Variants in PIBF1 observed in about 807,000 individuals in gnomAD.
PIBF1 encodes progesterone-induced-blocking factor 1.
In PIBF1, 90 loss-of-function variants were observed where a neutral mutation model predicts 112.5. That is an observed-to-expected ratio of 0.80 (90% CI 0.67 to 0.95). The LOEUF (loss-of-function observed/expected upper bound fraction) is 0.95. Ranked by LOEUF, PIBF1 falls within the 40% of genes least tolerant of loss-of-function variation. The pLI is 0.00. For synonymous variants in PIBF1, 301 were observed against 288.6 expected, an observed-to-expected ratio of 1.04 and a Z score of -0.44; for missense variants, 915 against 852.3, an observed-to-expected ratio of 1.07 and a Z score of -0.92.
At chr13:72,799,500 C>A (rs1202640089) in intron 5 of PIBF1, among the ~76,000 whole-genome samples, 3 of 152,102 alleles carry the variant, frequency 2.0e-5, no homozygotes, top group Admixed American at 6.5e-5. Flanking sequence ...CAGTTGTTTT[C>A]TTTTCTTCTC....
intron 5 of PIBF1, among the ~76,000 whole-genome samples, chr13:72,814,047 T>C (rs1297178454): frequency 1.3e-5 from 2 of 152,222 alleles, no homozygotes; most frequent in Non-Finnish European, 2.9e-5. Flanking sequence ...GGAATCGATG[T>C]ACAGTGTTCT....
chr13:72,931,938 C>CTTT (rs59274277), intron 14 of PIBF1, among the ~76,000 whole-genome samples: 220 of 100,668 alleles, frequency 2.2e-3, no homozygotes, highest in Middle Eastern at 5.6e-3. Context: ...TTGTTTCTTT[C>CTTT]TTTTTTTTTT....
At chr13:72,950,889 G>A (rs1272251247) in intron 14 of PIBF1, among the ~76,000 whole-genome samples, 5 of 152,172 alleles carry the variant, frequency 3.3e-5, no homozygotes, top group Non-Finnish European at 5.9e-5. Context: ...AGAAGATTGC[G>A]GACAGTTCAT....
chr13:72,918,026 T>C (rs140481594), intron 13 of PIBF1, among the ~76,000 whole-genome samples: 170 of 152,318 alleles, frequency 1.1e-3, no homozygotes, highest in African/African-American at 3.9e-3. Context: ...CAGAAAATTA[T>C]ACCTACATTA....
chr13:72,958,309 CAAAAAAAAAAAA>C (rs71799519), intron 14 of PIBF1, among the ~76,000 whole-genome samples: 10 of 68,746 alleles, frequency 1.5e-4, no homozygotes, highest in Admixed American at 5.5e-4. Flanking sequence ...GACCCTATCT[CAAAAAAAAAAAA>C]AAAAAAAAAA....
chr13:72,987,128 CATA>C (rs1214165657), intron 16 of PIBF1, among the ~76,000 whole-genome samples: 5 of 152,040 alleles, frequency 3.3e-5, no homozygotes, highest in Admixed American at 1.3e-4. Context: ...TCTTTTCAGT[CATA>C]AGAGAGATGA....
chr13:72,991,895 T>C (rs1339331763), intron 16 of PIBF1, among the ~76,000 whole-genome samples: 1 of 152,004 alleles, frequency 6.6e-6, no homozygotes, highest in African/African-American at 2.4e-5. Context: ...ATTTTTTGTG[T>C]TTTTAGTAGA....
chr13:72,933,093 T>TAAATA (rs3077700), intron 14 of PIBF1, among the ~76,000 whole-genome samples: 117,232 of 151,758 alleles, frequency 0.77, 45,586 homozygotes, highest in South Asian at 0.85. Flanking sequence ...GCAGAAAAGA[T>TAAATA]AATAAACAAA....
chr13:72,927,978 C>CACATAT (rs1555316902), intron 13 of PIBF1, among the ~76,000 whole-genome samples: 1 of 74,380 alleles, frequency 1.3e-5, no homozygotes, highest in Non-Finnish European at 2.9e-5. Flanking sequence ...TATATATATA[C>CACATAT]ATATATATAT....
intron 15 of PIBF1, among the ~76,000 whole-genome samples, chr13:72,967,595 A>C (rs1386357229): frequency 6.6e-6 from 1 of 152,198 alleles, no homozygotes; most frequent in Admixed American, 6.5e-5. Flanking sequence ...ATTCTGAATA[A>C]GGGATAATAT....
At chr13:72,818,586 T>C (rs752581234) in intron 5 of PIBF1, among the ~76,000 whole-genome samples, 18 of 152,102 alleles carry the variant, frequency 1.2e-4, no homozygotes, top group South Asian at 2.1e-4. Flanking sequence ...CAACTTGTCT[T>C]TAACAGAATT....
At chr13:72,916,414 A>ATATAT (rs367708260) in intron 12 of PIBF1, among the ~76,000 whole-genome samples, 2 of 148,952 alleles carry the variant, frequency 1.3e-5, no homozygotes, top group African/African-American at 5.0e-5. Flanking sequence ...ATATATATAT[A>ATATAT]TTTTTTTAAT....
At chr13:72,962,504 T>C (rs1246191629) in intron 14 of PIBF1, among the ~76,000 whole-genome samples, 1 of 150,692 alleles carries the variant, frequency 6.6e-6, no homozygotes, top group African/African-American at 2.4e-5. Flanking sequence ...GAGGCTGAGG[T>C]GGGAGGATTA....
intron 14 of PIBF1, among the ~76,000 whole-genome samples, chr13:72,941,616 A>G (rs1003591748): frequency 6.6e-6 from 1 of 152,340 alleles, no homozygotes; most frequent in East Asian, 1.9e-4. Context: ...AAGCTTGTCT[A>G]GAAAGTGGGA....
intron 10 of PIBF1, among the ~76,000 whole-genome samples, chr13:72,883,603 T>G (rs1456145946): frequency 1.3e-5 from 2 of 152,162 alleles, no homozygotes; most frequent in African/African-American, 4.8e-5. Flanking sequence ...TTGTCCTGCC[T>G]CAGCCTCCTG....
Position 72,839,997 on chromosome 13 carries a change from T to G in PIBF1, c.1223+4629T>G, listed in dbSNP as rs140816538. Among the ~76,000 whole-genome samples, 357 of 152,222 alleles carry G rather than the reference T, an allele frequency of 2.3e-3. 2 individuals are homozygous for G. The highest frequency in any genetic ancestry group is 0.01 in the Middle Eastern group (3 of 294). ...GCCAGCCACAGGGCTCAGAATTGAT[T>G]GGATGTATACTGAGGCTAGAGTGGA... On this transcript the variant is annotated intron_variant, in intron 9 of 17. Transcript: ENST00000326291.
intron 14 of PIBF1, among the ~76,000 whole-genome samples, chr13:72,954,576 A>G (rs970351608): frequency 6.6e-6 from 1 of 152,164 alleles, no homozygotes; most frequent in Admixed American, 6.5e-5. Context: ...CTTCTCATGT[A>G]TTCTCCACGC....
At chr13:72,783,847 C>G in intron 2 of PIBF1, 126 bp downstream of exon 2, 2 of 950,482 alleles carry the variant, frequency 2.1e-6, no homozygotes, top group Non-Finnish European at 3.1e-6. Flanking sequence ...ACAAGTACAG[C>G]CTTTAAATAA....
intron 5 of PIBF1, among the ~76,000 whole-genome samples, chr13:72,801,182 A>G (rs1291230454): frequency 6.6e-6 from 1 of 152,174 alleles, no homozygotes; most frequent in African/African-American, 2.4e-5. Context: ...CTTAAGTGAA[A>G]TGAAAAGTTG....
Sources: allele counts gnomAD v4.1 joint callset (sites outside exome capture counted in the v4.1 genomes callset), GRCh38; gene constraint gnomAD v4.1.1; transcripts MANE v1.5; gene names NCBI Gene and HGNC (gene_info 2026-07-23, HGNC 2026-07-21).